Variants in NOTCH1 observed in about 807,000 individuals in gnomAD.
NOTCH1 encodes the protein notch receptor 1, also known as neurogenic locus notch homolog protein 1.
In NOTCH1, 37 loss-of-function variants were observed where a neutral mutation model predicts 254.8. The ratio of observed to expected loss-of-function variants is 0.15; its 90% CI spans 0.11 to 0.19. The LOEUF (loss-of-function observed/expected upper bound fraction) is 0.19, where lower values mean the gene tolerates loss of function less well. NOTCH1 is among the 10% of genes least tolerant of loss of function. The probability of loss-of-function intolerance (pLI) is 1.00; values close to 1 mark genes in which losing one functional copy is unlikely to be tolerated. For synonymous variants in NOTCH1, 1,731 were observed against 1,618.1 expected, an observed-to-expected ratio of 1.07 and a Z score of -1.68; for missense variants, 2,972 against 3,708.6, an observed-to-expected ratio of 0.80 and a Z score of 5.16.
At chr9:136,511,024 G>A (rs1192650667) in intron 16 of NOTCH1, 128 bp downstream of exon 16, 20 of 1,474,138 alleles carry the variant, frequency 1.4e-5, no homozygotes, top group African/African-American at 8.3e-5. Flanking sequence ...GAACTTCTCC[G>A]ACCAGGGCCT....
In NOTCH1 at chr9:136,545,714, G is replaced by A. The variant is rs1843805990; in HGVS notation, c.61+12C>T. 5 of 1,439,500 alleles carry A rather than the reference G, an allele frequency of 3.5e-6. No individual in the cohort carries two copies. The highest frequency in any genetic ancestry group is 1.3e-5 in the South Asian group (1 of 74,384). 89.2% of individuals were successfully genotyped at this position (1,439,500 alleles called of 1,614,324 possible). On this transcript the variant is annotated intron_variant, in intron 1 of 33. Transcript: ENST00000651671. The surrounding 1 kb of genome is among the most constrained non-coding windows in gnomAD (Gnocchi z 6.8). ...GCGGAAAGTGGGGGCTCGCGGGTGGGTGGGCGCCTACCTCGTGCGGCGAGC... is the reference window on the plus strand; with the variant it reads ...GCGGAAAGTGGGGGCTCGCGGGTGGATGGGCGCCTACCTCGTGCGGCGAGC...
intron 10 of NOTCH1, 81 bp downstream of exon 10, chr9:136,515,900 T>A: frequency 3.1e-6 from 4 of 1,270,002 alleles, no homozygotes; most frequent in Non-Finnish European, 4.4e-6. Flanking sequence ...GACCAAGGTG[T>A]CCATGACCTT....
intron 2 of NOTCH1, among the ~76,000 whole-genome samples, chr9:136,539,895 G>A (rs1259196713): frequency 1.3e-5 from 2 of 152,140 alleles, no homozygotes; most frequent in Non-Finnish European, 1.5e-5. Context: ...CTTCCCGCCT[G>A]AGCCTCCTTC....
intron 31 of NOTCH1, 126 bp from the exon 32 acceptor site, chr9:136,499,385 G>T: frequency 5.1e-6 from 7 of 1,364,616 alleles, no homozygotes; most frequent in Non-Finnish European, 7.0e-6. Flanking sequence ...TCCTGAGATC[G>T]GCACGGCCGG....
At chr9:136,501,539 G>A (rs1842995372) in intron 30 of NOTCH1, among the ~76,000 whole-genome samples, 3 of 152,184 alleles carry the variant, frequency 2.0e-5, no homozygotes, top group Non-Finnish European at 1.5e-5. Context: ...GTGGCCCTGC[G>A]GTATCACCCC....
rs757165853 is a variant in NOTCH1 at position 136,496,267 on chromosome 9, G to A, written c.7472C>T (p.Ser2491Phe). 6.2e-7 allele frequency: 1 copy of A among 1,602,040 alleles called. No individual in the cohort carries two copies. The highest frequency in any genetic ancestry group is 1.1e-5 in the South Asian group (1 of 89,732). Residue 2491 changes from serine to phenylalanine, a missense_variant, in exon 34 of 34, where the codon TCC (serine) becomes TTC (phenylalanine). Around this residue, in one of 8 missense-constraint regions of NOTCH1, gnomAD observed 85 missense variants for 126.1 expected, o/e 0.67. Coordinates refer to ENST00000651671, the MANE Select transcript of NOTCH1 (RefSeq NM_017617.5). The stretch of plus-strand genomic sequence containing the variant: ...GCTGGGGGTGTTGTCCACAGGCGAG[G>A]AGTAGCTGTGCTGCGAGGGGGGCGT... ...FLTPPSQHSY[S>F]SPVDNTPSHQ...
At chr9:136,522,703 G>C in intron 4 of NOTCH1, 147 bp downstream of exon 4, 1 of 748,222 alleles carries the variant, frequency 1.3e-6, no homozygotes, top group East Asian at 2.8e-5. Flanking sequence ...GACACCACAC[G>C]CAGTCTGGGG....
In NOTCH1 at chr9:136,496,490, G is replaced by A. The variant is rs1442744764; in HGVS notation, c.7249C>T (p.Pro2417Ser). ...SLQPPPPPPQ[P>S]HLGVSSAASG... ...GCTGCTGAGCTCACGCCAAGGTGCG[G>A]CTGTGGTGGTGGTGGTGGCGGCTGC... Residue 2417 changes from proline (P) to serine (S), a missense_variant, in exon 34 of 34, where the codon CCG (proline) becomes TCG (serine). Coordinates refer to ENST00000651671, the MANE Select transcript of NOTCH1 (RefSeq NM_017617.5). 3 of 1,601,904 alleles carry A rather than the reference G, an allele frequency of 1.9e-6. No individual in the cohort carries two copies. Among genetic ancestry groups the A allele is most frequent in the Admixed American group, 3.3e-5 (2 of 60,020 alleles).
Position 136,497,483 on chromosome 9 carries a change from T to A in NOTCH1, c.6256A>T (p.Asn2086Tyr), listed in dbSNP as rs1842936029. The A allele has an allele frequency of 2.5e-6, 4 of 1,612,048 alleles. No individual in the cohort carries two copies. Among genetic ancestry groups the A allele is most frequent in the Non-Finnish European group, 3.4e-6 (4 of 1,179,782 alleles). ...TCCATATGATCCGTGATGTCCCGGT[T>A]GGCAAAGTGGTCCAGCAGCACCTTG... ...TAKVLLDHFA[N>Y]RDITDHMDRL... The change falls in exon 34 of 34, where the codon AAC becomes TAC. Residue 2086 changes from asparagine to tyrosine, a missense_variant. Asn to Tyr is a moderately radical substitution (Grantham distance 143). Coordinates refer to ENST00000651671, the MANE Select transcript of NOTCH1 (RefSeq NM_017617.5).
Position 136,496,577 on chromosome 9 carries a change from G to A in NOTCH1, c.7162C>T (p.Gln2388Ter), listed in dbSNP as rs1403281220. 1 of 1,612,400 alleles carries A rather than the reference G, an allele frequency of 6.2e-7. No homozygotes were observed. Among genetic ancestry groups the A allele is most frequent in the Admixed American group, 1.7e-5 (1 of 60,028 alleles). The part of the protein sequence containing the change: ...HLVQTQQVQP[Q>*]NLQMQQQNLQ... Reference sequence around the variant, plus strand: ...TTCTGCTGCTGCATCTGTAAGTTTTGTGGCTGCACCTGCTGGGTCTGCACC... The same window carrying A: ...TTCTGCTGCTGCATCTGTAAGTTTTATGGCTGCACCTGCTGGGTCTGCACC... The change falls in exon 34 of 34, where the codon CAA becomes TAA. Residue 2388 changes from glutamine (Q) to a stop codon, truncating the protein, a stop_gained. Transcript: ENST00000651671. LOFTEE classifies it high-confidence loss of function.
At position 136,518,152 on chromosome 9, in the gene NOTCH1, C is replaced by T. The variant is rs756024222; in HGVS notation, c.1240G>A (p.Asp414Asn). The T allele has an allele frequency of 2.5e-6, 4 of 1,591,784 alleles. No individual in the cohort carries two copies. Among genetic ancestry groups the T allele is most frequent in the Non-Finnish European group, 3.4e-6 (4 of 1,169,650 alleles). ...YTGPACSQDVDECSLGANPCE... is the reference protein window; with the variant it reads ...YTGPACSQDVNECSLGANPCE... ...TGGCACCTACCCAGCGAGCACTCAT[C>T]CACGTCCTGGCTGCAGGCCGGGCCC... Residue 414 changes from aspartate to asparagine, a missense_variant, in exon 7 of 34, where the codon GAT (aspartate) becomes AAT (asparagine). This residue lies in a region of NOTCH1 where 90 missense variants were observed against 183.6 expected (regional missense o/e 0.49). Transcript: ENST00000651671.
rs1439720197 is a variant in NOTCH1 at position 136,545,203 on chromosome 9, C to T, written c.61+523G>A. ...GGGGGGCACCGGCGGGCGGGGCGAC[C>T]GGGAGCCCGGGGACCCAGCCCGGCC... is the stretch of plus-strand genomic sequence containing the variant. On this transcript the variant is annotated intron_variant, in intron 1 of 33. Transcript: ENST00000651671. The surrounding 1 kb of genome is among the most constrained non-coding windows in gnomAD (Gnocchi z 6.8). Among the ~76,000 whole-genome samples, 1 of 150,678 alleles carries T rather than the reference C, an allele frequency of 6.6e-6. No individual in the cohort carries two copies. The highest frequency in any genetic ancestry group is 1.5e-5 in the Non-Finnish European group (1 of 67,680).
chr9:136,523,462 G>T (rs1033236476), intron 3 of NOTCH1, among the ~76,000 whole-genome samples: 1 of 152,240 alleles, frequency 6.6e-6, no homozygotes, highest in Admixed American at 6.5e-5. Context: ...CAGGAGGAAG[G>T]GGGCAGGGGC....
At position 136,510,786 on chromosome 9, in the gene NOTCH1, G is replaced by T; in HGVS notation, c.2607C>A (p.Asp869Glu). The change falls in exon 17 of 34, where the codon GAC becomes GAA. Residue 869 changes from aspartate (D) to glutamate (E), a missense_variant. By Grantham distance (45) the Asp-to-Glu change is conservative (BLOSUM62 2). This residue lies in a region of NOTCH1 where 1,343 missense variants were observed against 1,557.0 expected (regional missense o/e 0.86). Coordinates refer to ENST00000651671, the MANE Select transcript of NOTCH1 (RefSeq NM_017617.5). ...ACGGGCTCAGAACGCACTCGTTGATGTCGACCTCACAGGTCTGCCCTGCGG... is the reference window on the plus strand; with the variant it reads ...ACGGGCTCAGAACGCACTCGTTGATTTCGACCTCACAGGTCTGCCCTGCGG... ...TGWQGQTCEV[D>E]INECVLSPCR... 1 of 1,609,876 alleles carries T rather than the reference G, an allele frequency of 6.2e-7. No homozygotes were observed.
At chr9:136,531,219 C>T (rs1284499007) in intron 2 of NOTCH1, among the ~76,000 whole-genome samples, 3 of 152,246 alleles carry the variant, frequency 2.0e-5, no homozygotes, top group East Asian at 1.9e-4. Flanking sequence ...GCTTTCCAAG[C>T]TCTGTCTCAT....
chr9:136,543,998 A>G, intron 2 of NOTCH1, 26 bp downstream of exon 2: 1 of 1,555,528 alleles, frequency 6.4e-7, no homozygotes, highest in Non-Finnish European at 8.7e-7. Flanking sequence ...CGACAAAGCA[A>G]CAGGTCCCGC....
Position 136,508,369 on chromosome 9 carries a change from C to T in NOTCH1, c.3188G>A (p.Cys1063Tyr), listed in dbSNP as rs2133347690. 1 of 1,613,264 alleles carries T rather than the reference C, an allele frequency of 6.2e-7. No homozygotes were observed. The highest frequency in any genetic ancestry group is 8.5e-7 in the Non-Finnish European group (1 of 1,179,998). Residue 1063 changes from cysteine (C) to tyrosine (Y), a missense_variant, in exon 20 of 34, where the codon TGT becomes TAT. Physicochemically the swap from Cys to Tyr is radical, Grantham distance 194. This residue lies in a region of NOTCH1 where 1,343 missense variants were observed against 1,557.0 expected (regional missense o/e 0.86). Transcript: ENST00000651671. ...GPNCQNLVHW[C>Y]DSSPCKNGGK... The stretch of plus-strand genomic sequence containing the variant: ...GCCGTTCTTGCAGGGCGAGGAGTCA[C>T]ACCAGTGCACAAGGTTCTGGGGACA...
intron 2 of NOTCH1, among the ~76,000 whole-genome samples, chr9:136,525,822 G>C (rs1023741475): frequency 1.3e-5 from 2 of 152,242 alleles, no homozygotes; most frequent in Non-Finnish European, 2.9e-5. Context: ...CCACGCCCCT[G>C]TCCCAAAGGC....
Position 136,497,412 on chromosome 9 carries a change from G to A in NOTCH1, c.6327C>T (p.Ile2109=), listed in dbSNP as rs756964890. 8.1e-6 allele frequency: 13 copies of A among 1,611,512 alleles called. No homozygotes were observed. Among genetic ancestry groups the A allele is most frequent in the South Asian group, 4.4e-5 (4 of 91,084 alleles). ...GGTTGTACTCGTCCAGCAGCCTCAC[G>A]ATGTCGTGATGCATGCGCTCCTGTG... ...DIAQERMHHD[I]VRLLDEYNLV... Residue 2109 remains isoleucine (I), a synonymous_variant, in exon 34 of 34, where the codon ATC becomes ATT. Transcript: ENST00000651671.
Sources: allele counts gnomAD v4.1 joint callset (sites outside exome capture counted in the v4.1 genomes callset), GRCh38; gene constraint gnomAD v4.1.1; regional missense constraint gnomAD v4.1.1; non-coding constraint Gnocchi (gnomAD v3.1); transcripts MANE v1.5; gene names NCBI Gene and HGNC (gene_info 2026-07-23, HGNC 2026-07-21).